TNFRSF11A: variants seen among roughly 807,000 people sequenced by gnomAD.
TNFRSF11A encodes TNF receptor superfamily member 11a.
In TNFRSF11A, 32 loss-of-function variants were observed where a neutral mutation model predicts 55.7. That is an observed-to-expected ratio of 0.57 (90% confidence interval 0.43 to 0.77). The LOEUF is 0.77. Ranked by LOEUF, TNFRSF11A falls within the 30% of genes least tolerant of loss-of-function variation. The pLI is 0.00. For missense variants in TNFRSF11A, 753 were observed against 809.8 expected, an observed-to-expected ratio of 0.93 and a Z score of 0.85; for synonymous variants, 311 against 331.0, an observed-to-expected ratio of 0.94 and a Z score of 0.65.
intron 1 of TNFRSF11A, among the ~76,000 whole-genome samples, chr18:62,327,196 G>A (rs1292923830): frequency 6.6e-6 from 1 of 152,128 alleles, no homozygotes; most frequent in Non-Finnish European, 1.5e-5. Flanking sequence ...TCCTGTAATC[G>A]GAGTTAATCT....
At chr18:62,366,277 C>T (rs190335380) in intron 7 of TNFRSF11A, among the ~76,000 whole-genome samples, 1 of 152,280 alleles carries the variant, frequency 6.6e-6, no homozygotes, top group East Asian at 1.9e-4. Context: ...AGAATGATTG[C>T]ACTTATATGT....
chr18:62,377,953 C>T (rs1455229223), intron 9 of TNFRSF11A: 2 of 152,164 alleles, frequency 1.3e-5, no homozygotes, highest in Non-Finnish European at 2.9e-5. Context: ...AGGGAGAGGT[C>T]CCTGCTAACT....
intron 1 of TNFRSF11A, among the ~76,000 whole-genome samples, chr18:62,328,664 G>T (rs2046108756): frequency 6.6e-6 from 1 of 152,150 alleles, no homozygotes; most frequent in South Asian, 2.1e-4. Flanking sequence ...AGGGTGGGTG[G>T]GTGCTCTGTG....
At chr18:62,377,453 A>C (rs1235269807) in intron 9 of TNFRSF11A, among the ~76,000 whole-genome samples, 2 of 152,200 alleles carry the variant, frequency 1.3e-5, no homozygotes, top group East Asian at 3.8e-4. Context: ...CAGTTTTGTA[A>C]GAAGTCATCA....
chr18:62,349,954 AGT>A lies in TNFRSF11A; in HGVS notation c.283+22_283+23del. ...GTGATACAGGTGAGCCCGTCCTGTCAGTGTGTCAGTGGGAAGTGTAGAAACCT... is the reference window on the plus strand; with the variant it reads ...GTGATACAGGTGAGCCCGTCCTGTCAGTGTCAGTGGGAAGTGTAGAAACCT... On this transcript the variant is annotated intron_variant, in intron 3 of 9. Transcript: ENST00000586569. 1 of 1,613,594 alleles carries A rather than the reference AGT, an allele frequency of 6.2e-7. No individual in the cohort carries two copies. The highest frequency in any genetic ancestry group is 8.5e-7 in the Non-Finnish European group (1 of 1,179,700).
chr18:62,365,620 A>C (rs1350361182), intron 7 of TNFRSF11A, among the ~76,000 whole-genome samples: 1 of 152,142 alleles, frequency 6.6e-6, no homozygotes, highest in Non-Finnish European at 1.5e-5. Context: ...TTAGTCCCTC[A>C]TAGCCAAAGA....
At chr18:62,361,875 T>C in intron 7 of TNFRSF11A, 82 bp downstream of exon 7, 1 of 1,228,094 alleles carries the variant, frequency 8.1e-7, no homozygotes, top group South Asian at 1.2e-5. Flanking sequence ...GAGTAGATTG[T>C]CTACTTGCTG....
chr18:62,341,395 A>G (rs563030475), intron 1 of TNFRSF11A, among the ~76,000 whole-genome samples: 2 of 152,234 alleles, frequency 1.3e-5, no homozygotes, highest in Non-Finnish European at 2.9e-5. Context: ...AATCAGGTTA[A>G]AAGTGCACAA....
At position 62,384,857 on chromosome 18, in the gene TNFRSF11A, CGCG is replaced by C. The variant is rs760191082; in HGVS notation, c.1683_1685del (p.Ala563del). On this transcript the variant is annotated inframe_deletion, in exon 10 of 10. Transcript: ENST00000586569. ...ACGTCAGCCAGACCTCGCAGGAGGG[CGCG>C]GCGGCGGCTGCGGAGCCCATGGGCC... The C allele has an allele frequency of 1.2e-6, 2 of 1,606,248 alleles. No homozygotes were observed. Among genetic ancestry groups the C allele is most frequent in the Non-Finnish European group, 8.5e-7 (1 of 1,176,642 alleles).
chr18:62,385,342 GT>G lies in TNFRSF11A; in HGVS notation c.*309del. On this transcript the variant is annotated 3_prime_UTR_variant, in exon 10 of 10. Coordinates refer to ENST00000586569, the MANE Select transcript of TNFRSF11A (RefSeq NM_003839.4). Reference sequence around the variant, plus strand: ...GCTATTTTTATGACTATCCTGTTCTGTGGGGGGGGGGGTCTGTTTTCCCCCC... The same window carrying G: ...GCTATTTTTATGACTATCCTGTTCTGGGGGGGGGGGGTCTGTTTTCCCCCC... 6 of 242,268 alleles carry G rather than the reference GT, an allele frequency of 2.5e-5. No individual in the cohort carries two copies. The highest frequency in any genetic ancestry group is 1.6e-4 in the South Asian group (1 of 6,198). 15.0% of individuals were successfully genotyped at this position (242,268 alleles called of 1,614,324 possible). A position where few individuals can be genotyped will look rare whatever the true frequency, so the allele number is the denominator to read the frequency against.
At chr18:62,377,403 CAA>C (rs1398743866) in intron 9 of TNFRSF11A, among the ~76,000 whole-genome samples, 1 of 152,092 alleles carries the variant, frequency 6.6e-6, no homozygotes, top group Non-Finnish European at 1.5e-5. Flanking sequence ...GGGTAAATAC[CAA>C]AGAGTATGAT....
At chr18:62,343,041 TG>T (rs1271177304) in intron 1 of TNFRSF11A, among the ~76,000 whole-genome samples, 4 of 152,242 alleles carry the variant, frequency 2.6e-5, no homozygotes, top group African/African-American at 9.6e-5. Flanking sequence ...GTTTCGATAG[TG>T]ACTTTCTTTA....
At chr18:62,332,911 C>A (rs964327513) in intron 1 of TNFRSF11A, among the ~76,000 whole-genome samples, 1 of 152,150 alleles carries the variant, frequency 6.6e-6, no homozygotes, top group East Asian at 1.9e-4. Flanking sequence ...TTCGTTCCCA[C>A]GGAGCCCCAC....
intron 9 of TNFRSF11A, among the ~76,000 whole-genome samples, chr18:62,381,078 A>T (rs1399838177): frequency 6.6e-6 from 1 of 152,188 alleles, no homozygotes; most frequent in Non-Finnish European, 1.5e-5. Context: ...TGCCAGGATT[A>T]CAGGTGTCAG....
At chr18:62,344,027 A>G (rs116333555) in intron 1 of TNFRSF11A, among the ~76,000 whole-genome samples, 1 of 152,150 alleles carries the variant, frequency 6.6e-6, no homozygotes, top group Non-Finnish European at 1.5e-5. Flanking sequence ...CACAAGAGCA[A>G]CCTGATCCCA....
At chr18:62,355,542 G>A (rs144271536) in intron 4 of TNFRSF11A, among the ~76,000 whole-genome samples, 1 of 152,184 alleles carries the variant, frequency 6.6e-6, no homozygotes, top group Non-Finnish European at 1.5e-5. Context: ...CTCCCAAAGT[G>A]CTGGGCTGGG....
At chr18:62,356,843 A>G (rs1909295276) in intron 4 of TNFRSF11A, among the ~76,000 whole-genome samples, 1 of 152,202 alleles carries the variant, frequency 6.6e-6, no homozygotes, top group African/African-American at 2.4e-5. Flanking sequence ...GAAAGGGAGC[A>G]AGGAAAGGAG....
intron 1 of TNFRSF11A, among the ~76,000 whole-genome samples, chr18:62,341,836 CTTTT>C (rs34047775): frequency 2.3e-5 from 2 of 85,216 alleles, no homozygotes; most frequent in Admixed American, 1.5e-4. Flanking sequence ...CTGAGAATGG[CTTTT>C]TTTTTTTTTT....
In TNFRSF11A at chr18:62,388,675, A is replaced by G. The variant is rs923737039; in HGVS notation, c.*3641A>G. On this transcript the variant is annotated 3_prime_UTR_variant, in exon 10 of 10. Transcript: ENST00000586569. Reference sequence around the variant, plus strand: ...TATAGATTCCCACAATGAAAGGGACACCCACGTTCATATTTAAGTGCTGTG... The same window carrying G: ...TATAGATTCCCACAATGAAAGGGACGCCCACGTTCATATTTAAGTGCTGTG... 4.6e-5 allele frequency: 7 copies of G among 152,248 alleles called. No homozygotes were observed. The highest frequency in any genetic ancestry group is 1.7e-4 in the African/African-American group (7 of 41,466). The allele number at this position is 152,248 out of a possible 1,614,324, so 9.4% of individuals were successfully genotyped here.
Sources: allele counts gnomAD v4.1 joint callset (sites outside exome capture counted in the v4.1 genomes callset), GRCh38; gene constraint gnomAD v4.1.1; transcripts MANE v1.5; gene names NCBI Gene and HGNC (gene_info 2026-07-23, HGNC 2026-07-21).